CSMD3: variants seen among roughly 807,000 people sequenced by gnomAD.
CSMD3 encodes the protein CUB and Sushi multiple domains 3.
CSMD3 carries 177 observed loss-of-function variants against 435.2 expected under a neutral mutation model. The ratio of observed to expected loss-of-function variants is 0.41; its 90% CI spans 0.36 to 0.46. The LOEUF (loss-of-function observed/expected upper bound fraction) is 0.46. CSMD3 is among the 20% of genes least tolerant of loss of function. The pLI is 0.34. For synonymous variants in CSMD3, 1,656 were observed against 1,520.5 expected (o/e 1.09, Z -2.07); for missense variants, 4,265 against 4,504.6 (o/e 0.95, Z 1.52).
chr8:112,866,755 A>G (rs997474359), intron 10 of CSMD3, among the ~76,000 whole-genome samples: 6 of 152,170 alleles, frequency 3.9e-5, no homozygotes, highest in African/African-American at 1.4e-4. Context: ...CTTGGTATTG[A>G]CAACAGCATA....
intron 24 of CSMD3, among the ~76,000 whole-genome samples, chr8:112,559,495 A>G (rs907829819): frequency 6.6e-6 from 1 of 151,804 alleles, no homozygotes; most frequent in African/African-American, 2.4e-5. Context: ...TTAGGTATTC[A>G]TGGTGTTGCC....
chr8:112,312,147 C>T (rs893741466), intron 49 of CSMD3, among the ~76,000 whole-genome samples: 4 of 151,996 alleles, frequency 2.6e-5, no homozygotes, highest in Admixed American at 2.6e-4. Context: ...TTTAAATGCC[C>T]TATTTGGGCA....
intron 1 of CSMD3, among the ~76,000 whole-genome samples, chr8:113,415,419 A>C (rs535436581): frequency 6.6e-6 from 1 of 152,204 alleles, no homozygotes; most frequent in African/African-American, 2.4e-5. Context: ...TATGATGAAC[A>C]CTAAAAAGAA....
At chr8:112,266,587 C>T (rs1816971964) in intron 59 of CSMD3, among the ~76,000 whole-genome samples, 1 of 152,310 alleles carries the variant, frequency 6.6e-6, no homozygotes, top group South Asian at 2.1e-4. Context: ...CTCTTCTGAG[C>T]ATGAGATCCT....
At chr8:113,147,149 T>C (rs2091694618) in intron 4 of CSMD3, among the ~76,000 whole-genome samples, 1 of 151,708 alleles carries the variant, frequency 6.6e-6, no homozygotes, top group South Asian at 2.1e-4. Context: ...GGTTTGCATA[T>C]GCTAGCATTT....
At chr8:112,759,486 A>C (rs1232624172) in intron 13 of CSMD3, among the ~76,000 whole-genome samples, 1 of 152,134 alleles carries the variant, frequency 6.6e-6, no homozygotes, top group Non-Finnish European at 1.5e-5. Flanking sequence ...ATGGTGATTC[A>C]TAACATTTAT....
chr8:112,231,449 G>A (rs1358751694), intron 69 of CSMD3, 96 bp downstream of exon 69: 15 of 810,724 alleles, frequency 1.9e-5, no homozygotes, highest in Non-Finnish European at 3.3e-5. Context: ...AATTTATAAT[G>A]CAGTAAGTGT....
intron 3 of CSMD3, among the ~76,000 whole-genome samples, chr8:113,237,682 A>G (rs1042456696): frequency 6.6e-6 from 1 of 152,194 alleles, no homozygotes; most frequent in Non-Finnish European, 1.5e-5. Context: ...TTACAGCTTC[A>G]GTCTTTAATC....
intron 13 of CSMD3, among the ~76,000 whole-genome samples, chr8:112,707,917 T>C (rs778291164): frequency 6.6e-6 from 1 of 152,144 alleles, no homozygotes; most frequent in Non-Finnish European, 1.5e-5. Flanking sequence ...GCCTTATTTA[T>C]TTAACAATAG....
chr8:112,282,341 A>C (rs1488616019), intron 58 of CSMD3, among the ~76,000 whole-genome samples: 1 of 152,022 alleles, frequency 6.6e-6, no homozygotes, highest in Non-Finnish European at 1.5e-5. Context: ...TAATATTTTA[A>C]GCAGAACCTA....
rs1172814336 is a variant in CSMD3, at chr8:112,393,518, C to G, written c.5810-2730G>C. Among the ~76,000 whole-genome samples, 3 of 152,268 alleles carry G rather than the reference C, an allele frequency of 2.0e-5. No individual in the cohort carries two copies. In the East Asian group the frequency reaches 5.8e-4, roughly 30 times the overall value. Reference sequence around the variant, plus strand: ...TTATTTTTATGTTAGTCTCTTGAAACAGACTCAAGTCTGAGCAGACAAGGT... The same window carrying G: ...TTATTTTTATGTTAGTCTCTTGAAAGAGACTCAAGTCTGAGCAGACAAGGT... On this transcript the variant is annotated intron_variant, in intron 35 of 70. Coordinates refer to ENST00000297405, the MANE Select transcript of CSMD3 (RefSeq NM_198123.2).
chr8:112,971,966 TAA>T (rs1245499256), intron 7 of CSMD3, among the ~76,000 whole-genome samples: 2 of 152,086 alleles, frequency 1.3e-5, no homozygotes. Context: ...AGAAATATTT[TAA>T]GTTTTTCCAG....
chr8:112,238,783 T>C (rs932784204), intron 66 of CSMD3, among the ~76,000 whole-genome samples: 1 of 151,350 alleles, frequency 6.6e-6, no homozygotes, highest in African/African-American at 2.4e-5. Flanking sequence ...GCAATTATCA[T>C]AATTTTTTGC....
intron 13 of CSMD3, among the ~76,000 whole-genome samples, chr8:112,733,872 T>C (rs536982161): frequency 1.3e-5 from 2 of 151,924 alleles, no homozygotes. Context: ...AAAACATACA[T>C]AATAATAATA....
At chr8:112,540,019 C>A (rs555304356) in intron 27 of CSMD3, among the ~76,000 whole-genome samples, 1 of 151,882 alleles carries the variant, frequency 6.6e-6, no homozygotes, top group East Asian at 1.9e-4. Flanking sequence ...GGACTAATAA[C>A]CAGAATATAT....
At chr8:113,316,677 G>A (rs900787308) in intron 1 of CSMD3, among the ~76,000 whole-genome samples, 12 of 151,860 alleles carry the variant, frequency 7.9e-5, no homozygotes, top group African/African-American at 2.9e-4. Context: ...AGCCTCCTGA[G>A]TAGCTGGGAT....
At chr8:112,361,380 G>C (rs991899955) in intron 38 of CSMD3, among the ~76,000 whole-genome samples, 1 of 151,218 alleles carries the variant, frequency 6.6e-6, no homozygotes, top group Non-Finnish European at 1.5e-5. Flanking sequence ...CAGTTACCCT[G>C]GCTGAAAATA....
At chr8:113,055,307 C>T (rs1461860035) in intron 5 of CSMD3, among the ~76,000 whole-genome samples, 2 of 152,110 alleles carry the variant, frequency 1.3e-5, no homozygotes, top group African/African-American at 2.4e-5. Flanking sequence ...TAAGCCACCG[C>T]GCCCGGCCTT....
intron 5 of CSMD3, among the ~76,000 whole-genome samples, chr8:113,096,808 G>C (rs948973185): frequency 2.0e-5 from 3 of 151,964 alleles, no homozygotes; most frequent in Non-Finnish European, 2.9e-5. Context: ...TTGCCTGAAG[G>C]CTCATCCAGT....
Sources: gnomAD v4.1 joint callset for allele counts (sites outside exome capture counted in the v4.1 genomes callset) on GRCh38, gnomAD v4.1.1 for gene constraint, MANE v1.5 for transcripts, NCBI Gene and HGNC (gene_info 2026-07-23, HGNC 2026-07-21) for gene names.